Variants in CABCOCO1 observed in about 807,000 individuals in gnomAD.
The protein encoded by CABCOCO1 is ciliary-associated calcium-binding coiled-coil protein 1.
Under a neutral mutation model 35.7 loss-of-function variants are expected in CABCOCO1, and 28 were observed. That is an observed-to-expected ratio of 0.78 (90% CI 0.58 to 1.07). The LOEUF (loss-of-function observed/expected upper bound fraction) is 1.07, where lower values mean the gene tolerates loss of function less well. Ranked by LOEUF, CABCOCO1 falls within the 50% of genes least tolerant of loss-of-function variation. The probability of loss-of-function intolerance (pLI) is 0.00; values close to 1 mark genes in which losing one functional copy is unlikely to be tolerated. For missense variants in CABCOCO1, 326 were observed against 309.2 expected, an observed-to-expected ratio of 1.05 and a Z score of -0.41; for synonymous variants, 95 against 100.1, an observed-to-expected ratio of 0.95 and a Z score of 0.30.
intron 1 of CABCOCO1, among the ~76,000 whole-genome samples, chr10:61,670,997 A>G (rs1364785144): frequency 6.6e-6 from 1 of 152,202 alleles, no homozygotes; most frequent in African/African-American, 2.4e-5. Context: ...CTCTTTAAAA[A>G]CTAGCATAGT....
At chr10:61,709,284 C>A (rs1840669088) in intron 5 of CABCOCO1, among the ~76,000 whole-genome samples, 2 of 151,980 alleles carry the variant, frequency 1.3e-5, no homozygotes, top group African/African-American at 4.8e-5. Context: ...CAAGTGTCAC[C>A]CAAAGATTAT....
At chr10:61,666,079 A>T (rs1839163962) in intron 1 of CABCOCO1, among the ~76,000 whole-genome samples, 1 of 152,192 alleles carries the variant, frequency 6.6e-6, no homozygotes, top group Non-Finnish European at 1.5e-5. Context: ...TCACGGCTTT[A>T]TCAGGACAGG....
intron 5 of CABCOCO1, among the ~76,000 whole-genome samples, chr10:61,715,550 T>A (rs984731817): frequency 6.6e-6 from 1 of 152,208 alleles, no homozygotes; most frequent in Non-Finnish European, 1.5e-5. Flanking sequence ...TTTGATCCTG[T>A]CATTGTGATA....
chr10:61,672,645 T>G lies in CABCOCO1; in HGVS notation c.74T>G (p.Phe25Cys). 1.1e-6 allele frequency: 1 copy of G among 922,274 alleles called. No individual in the cohort carries two copies. Among genetic ancestry groups the G allele is most frequent in the Non-Finnish European group, 1.3e-6 (1 of 772,400 alleles). The allele number at this position is 922,274 out of a possible 1,614,324, so 57.1% of individuals were successfully genotyped here. ...GTGTTTTGGTAGAGAGACACTGAAT[T>G]CCAGGAGCATGAAAAGATTCTGTCT... ...TTPESERDTE[F>C]QEHEKILSPD... is the part of the protein sequence containing the mutation. The change falls in exon 2 of 8, where the codon TTC becomes TGC. Residue 25 changes from phenylalanine to cysteine, a missense_variant. Phe to Cys is a radical substitution (Grantham distance 205, BLOSUM62 -2). Transcript: ENST00000648843.
At chr10:61,713,508 C>A (rs1485099574) in intron 5 of CABCOCO1, among the ~76,000 whole-genome samples, 1 of 152,120 alleles carries the variant, frequency 6.6e-6, no homozygotes, top group African/African-American at 2.4e-5. Context: ...TTATTTCTTT[C>A]TCTTGCCTGA....
chr10:61,720,917 C>CTTTTTTT lies in CABCOCO1; in HGVS notation c.552+30315_552+30321dup, dbSNP rs71018996. ...TGCTTTTTCTTCTTTTCTTTTCATT[C>CTTTTTTT]TTTTTTTTTTTTTTTTTTTTTTTTT... On this transcript the variant is annotated intron_variant, in intron 5 of 7. Coordinates refer to ENST00000648843, the MANE Select transcript of CABCOCO1 (RefSeq NM_001366906.2). 9.5e-3 allele frequency among the ~76,000 whole-genome samples: 625 copies of CTTTTTTT among 65,964 alleles called. 86 individuals carry two copies. Among genetic ancestry groups the CTTTTTTT allele is most frequent in the Middle Eastern group, 0.03 (2 of 66 alleles). 43.3% of individuals were successfully genotyped at this position (65,964 alleles called of 152,430 possible).
intron 5 of CABCOCO1, among the ~76,000 whole-genome samples, chr10:61,726,771 A>C (rs1841160322): frequency 6.6e-6 from 1 of 152,010 alleles, no homozygotes; most frequent in South Asian, 2.1e-4. Flanking sequence ...TATAAATTAT[A>C]ATAAGGCCAG....
chr10:61,705,153 G>A (rs1212524262), intron 5 of CABCOCO1, among the ~76,000 whole-genome samples: 2 of 152,162 alleles, frequency 1.3e-5, no homozygotes, highest in African/African-American at 4.8e-5. Flanking sequence ...ACTTGCTACT[G>A]ATAACTCTAA....
intron 2 of CABCOCO1, among the ~76,000 whole-genome samples, chr10:61,675,703 G>A (rs971240565): frequency 6.6e-6 from 1 of 151,782 alleles, no homozygotes; most frequent in Non-Finnish European, 1.5e-5. Flanking sequence ...TAATTAAAGA[G>A]GGCATCAATT....
At chr10:61,680,494 ATATGT>A (rs986263491) in intron 2 of CABCOCO1, among the ~76,000 whole-genome samples, 1 of 138,084 alleles carries the variant, frequency 7.2e-6, no homozygotes, top group Non-Finnish European at 1.5e-5. Flanking sequence ...ATAACATATT[ATATGT>A]TATATTATGT....
chr10:61,751,498 G>C (rs1239268038), intron 5 of CABCOCO1, among the ~76,000 whole-genome samples: 1 of 152,152 alleles, frequency 6.6e-6, no homozygotes, highest in Non-Finnish European at 1.5e-5. Flanking sequence ...TGAGAAGCTG[G>C]TGATGCCACC....
intron 5 of CABCOCO1, among the ~76,000 whole-genome samples, chr10:61,746,328 T>C (rs1438876815): frequency 6.6e-6 from 1 of 152,214 alleles, no homozygotes; most frequent in Admixed American, 6.5e-5. Flanking sequence ...ACTTTAATAA[T>C]ATAATGACTC....
intron 5 of CABCOCO1, among the ~76,000 whole-genome samples, chr10:61,727,277 C>T (rs552809748): frequency 1.1e-4 from 17 of 152,140 alleles, no homozygotes; most frequent in African/African-American, 3.9e-4. Flanking sequence ...TATACCTACA[C>T]TAATAAAACT....
At chr10:61,698,489 A>T (rs1419385672) in intron 5 of CABCOCO1, among the ~76,000 whole-genome samples, 1 of 152,172 alleles carries the variant, frequency 6.6e-6, no homozygotes, top group Non-Finnish European at 1.5e-5. Flanking sequence ...AAAGAAAATC[A>T]TAAATATGCC....
chr10:61,738,713 G>A (rs1239469663), intron 5 of CABCOCO1, among the ~76,000 whole-genome samples: 1 of 152,148 alleles, frequency 6.6e-6, no homozygotes, highest in Non-Finnish European at 1.5e-5. Flanking sequence ...TACAATAAAT[G>A]TTGTAGTGGC....
At chr10:61,760,286 T>TG in intron 6 of CABCOCO1, 105 bp downstream of exon 6, 1 of 1,399,032 alleles carries the variant, frequency 7.1e-7, no homozygotes, top group Non-Finnish European at 9.7e-7. Context: ...GCCTCTGATT[T>TG]TTCCCAACCA....
intron 5 of CABCOCO1, among the ~76,000 whole-genome samples, chr10:61,706,245 G>A (rs1190228347): frequency 6.6e-6 from 1 of 152,078 alleles, no homozygotes; most frequent in Non-Finnish European, 1.5e-5. Context: ...TTTATGTGCA[G>A]TTTATGAAAA....
At chr10:61,720,914 A>ATTTTTTTTTTTTTTTTTTT (rs1840992456) in intron 5 of CABCOCO1, among the ~76,000 whole-genome samples, 2 of 60,284 alleles carry the variant, frequency 3.3e-5, no homozygotes, top group Non-Finnish European at 4.0e-5. Context: ...TTTTCTTTTC[A>ATTTTTTTTTTTTTTTTTTT]TTCTTTTTTT....
At chr10:61,732,500 G>T (rs558429573) in intron 5 of CABCOCO1, among the ~76,000 whole-genome samples, 1 of 151,892 alleles carries the variant, frequency 6.6e-6, no homozygotes, top group African/African-American at 2.4e-5. Flanking sequence ...CCACCCAAAA[G>T]TTAAGCCCTG....
Sources: gnomAD v4.1 joint callset for allele counts (sites outside exome capture counted in the v4.1 genomes callset) on GRCh38, gnomAD v4.1.1 for gene constraint, MANE v1.5 for transcripts, NCBI Gene and HGNC (gene_info 2026-07-23, HGNC 2026-07-21) for gene names.